Variants in GAD1 observed in about 807,000 individuals in gnomAD.
GAD1 encodes 67 kDa glutamic acid decarboxylase.
In GAD1, 35 loss-of-function variants were observed where a neutral mutation model predicts 75.2. The observed-to-expected ratio is 0.47, with a 90% CI of 0.36 to 0.62. The LOEUF is 0.62. Ranked by LOEUF, GAD1 falls within the 20% of genes least tolerant of loss-of-function variation. The probability of loss-of-function intolerance (pLI) is 0.00; values close to 1 mark genes in which losing one functional copy is unlikely to be tolerated. For missense variants in GAD1, 490 were observed against 758.5 expected (o/e 0.65, Z 4.16); for synonymous variants, 257 against 271.9 (o/e 0.95, Z 0.54).
chr2:170,849,190 T>C, intron 11 of GAD1, 96 bp from the exon 12 acceptor site: 3 of 1,070,036 alleles, frequency 2.8e-6, no homozygotes, highest in Non-Finnish European at 4.3e-6. Flanking sequence ...CACCTTGTAC[T>C]TTCTTGCTCA....
intron 3 of GAD1, among the ~76,000 whole-genome samples, chr2:170,823,437 C>T (rs1381337566): frequency 6.6e-6 from 1 of 152,234 alleles, no homozygotes. Context: ...GTCCTCTAGA[C>T]CCTGGGACTC....
At chr2:170,849,257 C>T in intron 11 of GAD1, 29 bp from the exon 12 acceptor site, 1 of 1,606,070 alleles carries the variant, frequency 6.2e-7, no homozygotes. Context: ...CACTGCTCCC[C>T]TCTTCCTCTC....
chr2:170,824,405 AC>A (rs1701975658), intron 3 of GAD1, among the ~76,000 whole-genome samples: 1 of 90,182 alleles, frequency 1.1e-5, no homozygotes, highest in African/African-American at 3.1e-5. Flanking sequence ...ACACACACAC[AC>A]ACACACACAC....
Position 170,818,865 on chromosome 2 carries a change from AC to A in GAD1, c.82+194del, listed in dbSNP as rs1324689372. Among the ~76,000 whole-genome samples, 1 of 151,640 alleles carries A rather than the reference AC, an allele frequency of 6.6e-6. No homozygotes were observed. The highest frequency in any genetic ancestry group is 1.5e-5 in the Non-Finnish European group (1 of 67,958). On this transcript the variant is annotated intron_variant, in intron 2 of 16. Transcript: ENST00000358196. This position sits in a 1 kb window ranked among gnomAD's most constrained non-coding sequence, Gnocchi z 5.9. ...AGGGACGCTAGGTGACTCCCAGGGC[AC>A]CGGAAAGCGAGGACCACGCAAGGTC...
intron 5 of GAD1, among the ~76,000 whole-genome samples, chr2:170,834,535 C>G (rs1702321954): frequency 6.6e-6 from 1 of 152,196 alleles, no homozygotes; most frequent in Non-Finnish European, 1.5e-5. Flanking sequence ...GCCACAGCAG[C>G]TACTTAAGTG....
At position 170,829,705 on chromosome 2, in the gene GAD1, C is replaced by A; in HGVS notation, c.304+72C>A. Reference sequence around the variant, plus strand: ...ATTTGAGTTTCTTGACTTTTTCCTGCAATTTTACTTCTTTTATCAAGAAAT... The same window carrying A: ...ATTTGAGTTTCTTGACTTTTTCCTGAAATTTTACTTCTTTTATCAAGAAAT... On this transcript the variant is annotated intron_variant, in intron 4 of 16. Transcript: ENST00000358196. 2.7e-6 allele frequency: 4 copies of A among 1,500,870 alleles called. 1 individual carries two copies. In the South Asian group the frequency reaches 3.5e-5, roughly 13 times the overall value. 93.0% of individuals were successfully genotyped at this position (1,500,870 alleles called of 1,614,324 possible).
chr2:170,849,232 T>C, intron 11 of GAD1, 54 bp from the exon 12 acceptor site: 6 of 1,502,314 alleles, frequency 4.0e-6, no homozygotes, highest in Non-Finnish European at 5.6e-6. Context: ...TGACTAGTTT[T>C]AGATTCTTAA....
At chr2:170,817,144 C>T (rs1701718616) in intron 1 of GAD1, 96 bp downstream of exon 1, 1 of 152,686 alleles carries the variant, frequency 6.5e-6, no homozygotes. Flanking sequence ...AACCCCATCC[C>T]AGCGCCGGCC....
At chr2:170,829,390 C>A in intron 3 of GAD1, 85 bp from the exon 4 acceptor site, 4 of 1,442,054 alleles carry the variant, frequency 2.8e-6, no homozygotes, top group East Asian at 2.3e-5. Flanking sequence ...AAGAGCCCTG[C>A]TTGGAGAGTT....
chr2:170,848,860 C>A, intron 11 of GAD1: 1 of 507,224 alleles, frequency 2.0e-6, no homozygotes, highest in South Asian at 1.4e-5. Flanking sequence ...GCAGGAACTG[C>A]TGCTTTTTGA....
intron 11 of GAD1, chr2:170,848,961 G>A: frequency 9.1e-6 from 4 of 437,498 alleles, no homozygotes; most frequent in Middle Eastern, 7.3e-4. Flanking sequence ...CCCGGAGGGG[G>A]ACTCACTGTG....
intron 5 of GAD1, 73 bp from the exon 6 acceptor site, chr2:170,836,720 G>A (rs1412161667): frequency 1.0e-6 from 1 of 998,334 alleles, no homozygotes; most frequent in Non-Finnish European, 1.6e-6. Context: ...TGACCCAGTG[G>A]GGCAGGCCGT....
chr2:170,843,393 T>A (rs1702561710), intron 6 of GAD1, among the ~76,000 whole-genome samples: 3 of 152,216 alleles, frequency 2.0e-5, no homozygotes, highest in Admixed American at 2.0e-4. Flanking sequence ...AATCATCACT[T>A]AGAATTATTC....
At position 170,822,120 on chromosome 2, in the gene GAD1, G is replaced by A. The variant is rs1303846577; in HGVS notation, c.116G>A (p.Cys39Tyr). ...YDTWCGVAHG[C>Y]TRKLGLKICG... ...ACCTGGTGCGGCGTGGCCCATGGATGCACCAGAAAACTGGGGCTCAAGATC... is the reference window on the plus strand; with the variant it reads ...ACCTGGTGCGGCGTGGCCCATGGATACACCAGAAAACTGGGGCTCAAGATC... The change falls in exon 3 of 17, where the codon TGC (cysteine) becomes TAC (tyrosine). Residue 39 changes from cysteine to tyrosine, a missense_variant. By Grantham distance (194) the Cys-to-Tyr change is radical. Coordinates refer to ENST00000358196, the MANE Select transcript of GAD1 (RefSeq NM_000817.3). 2 of 1,612,496 alleles carry A rather than the reference G, an allele frequency of 1.2e-6. No individual in the cohort carries two copies. Among genetic ancestry groups the A allele is most frequent in the Non-Finnish European group, 1.7e-6 (2 of 1,179,494 alleles).
intron 3 of GAD1, among the ~76,000 whole-genome samples, chr2:170,828,644 C>CT (rs1702117837): frequency 1.4e-5 from 2 of 138,432 alleles, no homozygotes; most frequent in East Asian, 2.3e-4. Flanking sequence ...CTGTCCTCAC[C>CT]CTCCTCCCTC....
chr2:170,823,232 C>T (rs1197067711), intron 3 of GAD1, among the ~76,000 whole-genome samples: 1 of 152,206 alleles, frequency 6.6e-6, no homozygotes, highest in Non-Finnish European at 1.5e-5. Context: ...GCACGGGACA[C>T]GCCCGCCCGC....
At chr2:170,830,829 A>G (rs1254356349) in intron 4 of GAD1, 121 bp from the exon 5 acceptor site, 1 of 1,287,390 alleles carries the variant, frequency 7.8e-7, no homozygotes, top group Non-Finnish European at 1.1e-6. Context: ...CTCAGTGCAC[A>G]TACATATCCC....
intron 3 of GAD1, among the ~76,000 whole-genome samples, chr2:170,827,823 A>G (rs1305290421): frequency 6.6e-6 from 1 of 152,190 alleles, no homozygotes; most frequent in Non-Finnish European, 1.5e-5. Flanking sequence ...CAGGTGCTCA[A>G]TAAGTACTTA....
intron 6 of GAD1, chr2:170,842,533 A>G: frequency 6.2e-7 from 1 of 1,602,390 alleles, no homozygotes; most frequent in Non-Finnish European, 8.6e-7. Flanking sequence ...AGCACAGGCT[A>G]AACCAGGAAT....
Sources: gnomAD v4.1 joint callset for allele counts (sites outside exome capture counted in the v4.1 genomes callset) on GRCh38, gnomAD v4.1.1 for gene constraint, Gnocchi (gnomAD v3.1) non-coding constraint, MANE v1.5 for transcripts, NCBI Gene and HGNC (gene_info 2026-07-23, HGNC 2026-07-21) for gene names.